TENM2: variants seen among roughly 807,000 people sequenced by gnomAD.
TENM2 encodes teneurin-2.
Under a neutral mutation model 245.2 loss-of-function variants are expected in TENM2, and 52 were observed. That is an observed-to-expected ratio of 0.21 (90% CI 0.17 to 0.27). The LOEUF (loss-of-function observed/expected upper bound fraction) is 0.27, where lower values mean the gene tolerates loss of function less well. Ranked by LOEUF, TENM2 falls within the 10% of genes least tolerant of loss-of-function variation. The pLI, the probability that TENM2 is intolerant of heterozygous loss-of-function variation, is 1.00. For synonymous variants in TENM2, 1,363 were observed against 1,438.9 expected, an observed-to-expected ratio of 0.95 and a Z score of 1.19; for missense variants, 3,046 against 3,666.8, an observed-to-expected ratio of 0.83 and a Z score of 4.37.
chr5:167,607,347 G>T (rs755962442), intron 2 of TENM2, among the ~76,000 whole-genome samples: 4 of 152,166 alleles, frequency 2.6e-5, no homozygotes, highest in Non-Finnish European at 4.4e-5. Flanking sequence ...TTCTCCCAGA[G>T]AATCCAAAAT....
chr5:167,553,656 G>A, intron 2 of TENM2, among the ~76,000 whole-genome samples: 1 of 152,200 alleles, frequency 6.6e-6, no homozygotes, highest in East Asian at 1.9e-4. Context: ...TTCAGGATCA[G>A]CATGCCTTCT....
intron 1 of TENM2, among the ~76,000 whole-genome samples, chr5:167,323,388 T>A (rs1354997943): frequency 6.6e-6 from 1 of 152,178 alleles, no homozygotes; most frequent in Admixed American, 6.5e-5. Flanking sequence ...TACAGATATG[T>A]GTGTATATGT....
chr5:167,980,888 G>A (rs1782785666), intron 4 of TENM2, among the ~76,000 whole-genome samples: 1 of 152,304 alleles, frequency 6.6e-6, no homozygotes, highest in Non-Finnish European at 1.5e-5. Context: ...GTGAAGCCTA[G>A]TGAAGTAGAT....
intron 2 of TENM2, among the ~76,000 whole-genome samples, chr5:167,519,921 A>G (rs2127580562): frequency 6.6e-6 from 1 of 152,314 alleles, no homozygotes; most frequent in African/African-American, 2.4e-5. Flanking sequence ...TGTTTACAAG[A>G]CAAATCATTT....
chr5:168,135,065 T>A (rs1036205659), intron 12 of TENM2, among the ~76,000 whole-genome samples: 1 of 152,202 alleles, frequency 6.6e-6, no homozygotes, highest in East Asian at 1.9e-4. Context: ...CAAGAAATCA[T>A]TTAGGAGACC....
At chr5:167,064,407 C>G in the TENM2 span, among the ~76,000 whole-genome samples, 1 of 152,148 alleles carries the variant, frequency 6.6e-6, no homozygotes, top group African/African-American at 2.4e-5. Flanking sequence ...CCATGGGGCC[C>G]GCAGATGGCA....
intron 1 of TENM2, among the ~76,000 whole-genome samples, chr5:167,334,407 A>G (rs560517633): frequency 2.0e-5 from 3 of 152,296 alleles, no homozygotes; most frequent in Non-Finnish European, 4.4e-5. Context: ...AAATAAAACA[A>G]TTTCTTTCCA....
At chr5:167,536,468 A>T (rs1366121732) in intron 2 of TENM2, among the ~76,000 whole-genome samples, 3 of 152,084 alleles carry the variant, frequency 2.0e-5, no homozygotes, top group Admixed American at 1.3e-4. Flanking sequence ...TAAAAAAAAA[A>T]ATAACCCTTT....
chr5:167,863,703 G>A (rs1280074254), intron 2 of TENM2, among the ~76,000 whole-genome samples: 1 of 152,054 alleles, frequency 6.6e-6, no homozygotes, highest in Non-Finnish European at 1.5e-5. Flanking sequence ...ACAATAAGAT[G>A]GATGGCATGT....
chr5:168,164,501 G>C (rs1758040425), intron 13 of TENM2, among the ~76,000 whole-genome samples: 1 of 152,136 alleles, frequency 6.6e-6, no homozygotes, highest in African/African-American at 2.4e-5. Flanking sequence ...CTCCATGTCA[G>C]AGTGGAGTCA....
chr5:167,218,946 A>G, the TENM2 span, among the ~76,000 whole-genome samples: 4 of 152,206 alleles, frequency 2.6e-5, no homozygotes, highest in Non-Finnish European at 5.9e-5. Context: ...CCAATGTCAC[A>G]TAGGAAGTAG....
intron 2 of TENM2, among the ~76,000 whole-genome samples, chr5:167,401,828 T>G (rs1428706685): frequency 6.6e-6 from 1 of 152,152 alleles, no homozygotes; most frequent in Non-Finnish European, 1.5e-5. Flanking sequence ...TAGTTAGGGT[T>G]GTTTTCAGTT....
chr5:168,105,868 G>A (rs2152299980), intron 9 of TENM2, among the ~76,000 whole-genome samples: 1 of 152,198 alleles, frequency 6.6e-6, no homozygotes, highest in East Asian at 1.9e-4. Context: ...ATTTGTTGTG[G>A]GCTAGAGGTT....
chr5:167,774,230 A>AAGGG (rs1427679770), intron 2 of TENM2, among the ~76,000 whole-genome samples: 1 of 150,260 alleles, frequency 6.7e-6, no homozygotes, highest in Non-Finnish European at 1.5e-5. Context: ...GGAAGGAAGG[A>AAGGG]AGGAAGGAAG....
At chr5:168,203,804 C>T in exon 18 of TENM2, 1 of 1,612,924 alleles carries the variant, frequency 6.2e-7, no homozygotes, top group Non-Finnish European at 8.5e-7. Context: ...GGTCCCTAGA[C>T]AAACACCACA....
intron 2 of TENM2, among the ~76,000 whole-genome samples, chr5:167,640,842 CATATATATATATATATCCATAT>C (rs1356456317): frequency 1.2e-4 from 9 of 75,492 alleles, no homozygotes; most frequent in South Asian, 4.7e-4. Context: ...TATATATATC[CATATATATATATATATCCATAT>C]ATATATATAT....
chr5:167,407,591 G>A (rs1192784097), intron 2 of TENM2, among the ~76,000 whole-genome samples: 3 of 152,174 alleles, frequency 2.0e-5, no homozygotes, highest in Non-Finnish European at 2.9e-5. Context: ...GCTGAGGCGG[G>A]CAGATCACCT....
chr5:168,253,579 C>A (rs981005122), intron 27 of TENM2, among the ~76,000 whole-genome samples: 1 of 151,990 alleles, frequency 6.6e-6, no homozygotes, highest in Non-Finnish European at 1.5e-5. Flanking sequence ...GCGCCCGCCA[C>A]CACGCCCGGC....
intron 2 of TENM2, among the ~76,000 whole-genome samples, chr5:167,776,615 A>AAAAAAAC (rs1763810128): frequency 2.0e-5 from 2 of 99,340 alleles, no homozygotes; most frequent in African/African-American, 8.7e-5. Flanking sequence ...AAAAAAAAAA[A>AAAAAAAC]AAAAAAAAAA....
Sources: allele counts gnomAD v4.1 joint callset (sites outside exome capture counted in the v4.1 genomes callset), GRCh38; gene constraint gnomAD v4.1.1; transcripts MANE v1.5; gene names NCBI Gene and HGNC (gene_info 2026-07-23, HGNC 2026-07-21).